Variants in CDH9 observed in about 807,000 individuals in gnomAD.
CDH9 encodes the protein cadherin 9.
CDH9 carries 28 observed loss-of-function variants against 70.9 expected under a neutral mutation model. The ratio of observed to expected loss-of-function variants is 0.40; its 90% CI spans 0.29 to 0.54. The LOEUF (loss-of-function observed/expected upper bound fraction) is 0.54, where lower values mean the gene tolerates loss of function less well. Among genes scored for constraint, CDH9 ranks in the 20% least tolerant of loss-of-function variants. The pLI is 0.59. For synonymous variants in CDH9, 409 were observed against 343.1 expected (o/e 1.19, Z -2.12); for missense variants, 874 against 984.4 (o/e 0.89, Z 1.50).
intron 1 of CDH9, among the ~76,000 whole-genome samples, chr5:26,988,781 A>G (rs544041741): frequency 5.3e-5 from 8 of 152,226 alleles, no homozygotes; most frequent in African/African-American, 1.2e-4. Flanking sequence ...ATGAAATTAC[A>G]TATTTTAAAG....
In CDH9 at chr5:26,978,720, G is replaced by A. The variant is rs1742346132; in HGVS notation, c.228+9386C>T. On this transcript the variant is annotated intron_variant, in intron 2 of 11. Coordinates refer to ENST00000231021, the MANE Select transcript of CDH9 (RefSeq NM_016279.4). ...TCAAATTAAGAATACTGAAAGCAAA[G>A]ATATAAATAGAACTTTAAAAGCAGC... is the stretch of plus-strand genomic sequence containing the variant. 2.6e-5 allele frequency among the ~76,000 whole-genome samples: 4 copies of A among 151,262 alleles called. No homozygotes were observed. In the South Asian group the frequency reaches 8.3e-4, roughly 31 times the overall value.
intron 1 of CDH9, among the ~76,000 whole-genome samples, chr5:27,011,897 A>G (rs376300633): frequency 6.6e-6 from 1 of 151,984 alleles, no homozygotes; most frequent in Non-Finnish European, 1.5e-5. Flanking sequence ...AATTTGTAAA[A>G]TAAGATTTGT....
intron 9 of CDH9, among the ~76,000 whole-genome samples, chr5:26,887,381 T>C (rs2170035): frequency 0.34 from 51,844 of 150,986 alleles, 10,205 homozygotes; most frequent in Non-Finnish European, 0.45. Context: ...TTTGTATAAG[T>C]ATATTTTATG....
intron 1 of CDH9, among the ~76,000 whole-genome samples, chr5:27,010,483 CAA>C (rs1742937263): frequency 6.6e-6 from 1 of 152,096 alleles, no homozygotes; most frequent in African/African-American, 2.4e-5. Context: ...AATAATTTGT[CAA>C]AAGACTTTCT....
At chr5:26,897,372 A>G (rs1740771384) in intron 7 of CDH9, among the ~76,000 whole-genome samples, 1 of 152,176 alleles carries the variant, frequency 6.6e-6, no homozygotes, top group Non-Finnish European at 1.5e-5. Flanking sequence ...ACAAAAAAAG[A>G]AAATTTCAGG....
rs565659234 is a variant in CDH9, at chr5:27,023,228, A to T, written c.-50+15235T>A. Among the ~76,000 whole-genome samples, 4 of 152,178 alleles carry T rather than the reference A, an allele frequency of 2.6e-5. No individual in the cohort carries two copies. The East Asian group carries it at 7.8e-4, about 30-fold the overall frequency. Reference sequence around the variant, plus strand: ...TAATTCCACCACATACAATTTGGGAAATGTTTAGTTAACTCTTTAGTACTG... The same window carrying T: ...TAATTCCACCACATACAATTTGGGATATGTTTAGTTAACTCTTTAGTACTG... On this transcript the variant is annotated intron_variant, in intron 1 of 11. Coordinates refer to ENST00000231021, the MANE Select transcript of CDH9 (RefSeq NM_016279.4).
intron 2 of CDH9, among the ~76,000 whole-genome samples, chr5:26,963,515 A>C (rs1360571260): frequency 2.0e-5 from 3 of 152,122 alleles, no homozygotes; most frequent in African/African-American, 7.2e-5. Flanking sequence ...CTTATTGAAA[A>C]GTTGTAAAAT....
At chr5:26,902,775 T>G (rs778818254) in intron 6 of CDH9, 46 bp from the exon 7 acceptor site, 8 of 1,180,274 alleles carry the variant, frequency 6.8e-6, no homozygotes, top group East Asian at 2.4e-5. Context: ...TCAGAAGATA[T>G]GACAATGAAA....
chr5:27,020,901 C>T (rs73078126), intron 1 of CDH9, among the ~76,000 whole-genome samples: 3,599 of 151,634 alleles, frequency 0.024, 116 homozygotes, highest in African/African-American at 0.078. Flanking sequence ...ATACAATTGA[C>T]GGTTAATTCT....
At chr5:26,990,933 T>C (rs1742570017) in intron 1 of CDH9, among the ~76,000 whole-genome samples, 1 of 152,208 alleles carries the variant, frequency 6.6e-6, no homozygotes, top group African/African-American at 2.4e-5. Flanking sequence ...CGGAATAATC[T>C]AGTTTTATGA....
chr5:26,904,648 A>G (rs948756124), intron 5 of CDH9, among the ~76,000 whole-genome samples: 7 of 152,216 alleles, frequency 4.6e-5, no homozygotes, highest in Middle Eastern at 3.4e-3. Flanking sequence ...TTCTGACTTC[A>G]AAGTCTATAT....
rs985641687 is a variant in CDH9, at chr5:26,885,991, C to T, written c.1605G>A (p.Pro535=). 1.5e-5 allele frequency: 24 copies of T among 1,610,506 alleles called. No homozygotes were observed. Among genetic ancestry groups the T allele is most frequent in the Non-Finnish European group, 2.0e-5 (24 of 1,178,886 alleles). The part of the protein sequence containing the change: ...FEPVPEFTLN[P]NFTIVDNKDN... ...CTTTATTATCTACAATGGTGAAATT[C>T]GGATTGAGAGTAAATTCTGGCACTG... is the stretch of plus-strand genomic sequence containing the variant. Residue 535 remains proline, a synonymous_variant, in exon 10 of 12, where the codon CCG becomes CCA. Transcript: ENST00000231021.
In CDH9 at chr5:27,024,476, A is replaced by T. The variant is rs182819649; in HGVS notation, c.-50+13987T>A. Among the ~76,000 whole-genome samples, 384 of 152,182 alleles carry T rather than the reference A, an allele frequency of 2.5e-3. 1 individual carries two copies. The highest frequency in any genetic ancestry group is 0.01 in the Middle Eastern group (3 of 294). ...ATTATGTTTTGTTTTCCACCTTCCT[A>T]AGAGTCTAGGCAAGAAAAACTAAAA... On this transcript the variant is annotated intron_variant, in intron 1 of 11. Coordinates refer to ENST00000231021, the MANE Select transcript of CDH9 (RefSeq NM_016279.4).
At chr5:26,972,617 G>A (rs1003697427) in intron 2 of CDH9, among the ~76,000 whole-genome samples, 1 of 152,040 alleles carries the variant, frequency 6.6e-6, no homozygotes, top group African/African-American at 2.4e-5. Context: ...GTGGACATAC[G>A]CAGTTAAATC....
intron 2 of CDH9, among the ~76,000 whole-genome samples, chr5:26,964,023 A>C (rs1742084928): frequency 6.6e-6 from 1 of 152,122 alleles, no homozygotes. Context: ...TAAAATAAAA[A>C]AGAAAATATG....
chr5:26,885,131 T>C (rs919225666), intron 11 of CDH9, among the ~76,000 whole-genome samples: 1 of 152,156 alleles, frequency 6.6e-6, no homozygotes, highest in South Asian at 2.1e-4. Flanking sequence ...AGTTAGTAAC[T>C]ATAAGGGCAA....
intron 3 of CDH9, among the ~76,000 whole-genome samples, chr5:26,911,552 T>C (rs528996699): frequency 6.6e-6 from 1 of 151,858 alleles, no homozygotes; most frequent in East Asian, 1.9e-4. Context: ...TTCCAGTCAC[T>C]GAGAAAGGAA....
chr5:27,020,490 T>C (rs940785997), intron 1 of CDH9, among the ~76,000 whole-genome samples: 1 of 151,678 alleles, frequency 6.6e-6, no homozygotes, highest in Non-Finnish European at 1.5e-5. Context: ...GATAATTTGC[T>C]TTTCAGTAGC....
chr5:26,969,786 T>A (rs1016036397), intron 2 of CDH9, among the ~76,000 whole-genome samples: 1 of 151,890 alleles, frequency 6.6e-6, no homozygotes, highest in Non-Finnish European at 1.5e-5. Context: ...TTCTGTTGAT[T>A]CTCTTTTCCT....
Sources: allele counts gnomAD v4.1 joint callset (sites outside exome capture counted in the v4.1 genomes callset), GRCh38; gene constraint gnomAD v4.1.1; transcripts MANE v1.5; gene names NCBI Gene and HGNC (gene_info 2026-07-23, HGNC 2026-07-21).